Variants in EPHA8 observed in about 807,000 individuals in gnomAD.
The protein encoded by EPHA8 is ephrin type-A receptor 8.
A neutral mutation model predicts 103.6 loss-of-function variants in EPHA8; 58 were observed. The ratio of observed to expected loss-of-function variants is 0.56; its 90% CI spans 0.45 to 0.70. EPHA8 has a LOEUF of 0.70. Ranked by LOEUF, EPHA8 falls within the 30% of genes least tolerant of loss-of-function variation. EPHA8 has a pLI of 0.00. For synonymous variants in EPHA8, 559 were observed against 572.5 expected, an observed-to-expected ratio of 0.98 and a Z score of 0.34; for missense variants, 1,304 against 1,395.2, an observed-to-expected ratio of 0.93 and a Z score of 1.04.
rs777812539 is a variant in EPHA8, at chr1:22,576,460, G to A, written c.403G>A (p.Ala135Thr). The A allele has an allele frequency of 1.3e-5, 21 of 1,614,062 alleles. No homozygotes were observed. Among genetic ancestry groups the A allele is most frequent in the South Asian group, 2.2e-5 (2 of 91,086 alleles). Reference sequence around the variant, plus strand: ...CCTGGAGTCGGACCGCGACCTGGGGGCCAGCACACAAGAAAGCCAGTTCCT... The same window carrying A: ...CCTGGAGTCGGACCGCGACCTGGGGACCAGCACACAAGAAAGCCAGTTCCT... ...YYLESDRDLG[A>T]STQESQFLKI... The change falls in exon 3 of 17, where the codon GCC (alanine) becomes ACC (threonine). Residue 135 changes from alanine to threonine, a missense_variant. Coordinates refer to ENST00000166244, the MANE Select transcript of EPHA8 (RefSeq NM_020526.5). This position sits in a 1 kb window ranked among gnomAD's most constrained non-coding sequence, Gnocchi z 4.8.
At chr1:22,580,127 CTTTTTTTTTTTTTTT>C (rs764600240) in intron 3 of EPHA8, among the ~76,000 whole-genome samples, 1 of 97,426 alleles carries the variant, frequency 1.0e-5, no homozygotes, top group African/African-American at 4.4e-5. Flanking sequence ...CTTTCTTTCT[CTTTTTTTTTTTTTTT>C]TTTTTTTTTT....
At chr1:22,570,952 C>G (rs1294598760) in intron 2 of EPHA8, among the ~76,000 whole-genome samples, 1 of 152,250 alleles carries the variant, frequency 6.6e-6, no homozygotes, top group Non-Finnish European at 1.5e-5. Context: ...CAGGGTTCCA[C>G]CCATGAGGAG....
In EPHA8 at chr1:22,602,065, G is replaced by C. The variant is rs1211406096; in HGVS notation, c.*324G>C. 2 of 462,002 alleles carry C rather than the reference G, an allele frequency of 4.3e-6. No homozygotes were observed. Among genetic ancestry groups the C allele is most frequent in the African/African-American group, 2.1e-5 (1 of 48,292 alleles). The allele number at this position is 462,002 out of a possible 1,614,324, so 28.6% of individuals were successfully genotyped here. ...CTGTGTGCGTGCATGTGTGTGTGTGGTGGGGGGTGTTCTCACAAGGTCATG... is the reference window on the plus strand; with the variant it reads ...CTGTGTGCGTGCATGTGTGTGTGTGCTGGGGGGTGTTCTCACAAGGTCATG... On this transcript the variant is annotated 3_prime_UTR_variant, in exon 17 of 17. Transcript: ENST00000166244.
At chr1:22,573,423 A>C (rs1640598293) in intron 2 of EPHA8, among the ~76,000 whole-genome samples, 1 of 152,166 alleles carries the variant, frequency 6.6e-6, no homozygotes, top group Admixed American at 6.5e-5. Flanking sequence ...ACTGAGGATC[A>C]AGACGAGATT....
rs199735359 is a variant in EPHA8 at position 22,601,671 on chromosome 1, A to T, written c.2948A>T (p.Lys983Met). 1.1e-4 allele frequency: 176 copies of T among 1,594,684 alleles called. No homozygotes were observed. Among genetic ancestry groups the T allele is most frequent in the Non-Finnish European group, 1.4e-4 (159 of 1,170,844 alleles). Residue 983 changes from lysine to methionine, a missense_variant, in exon 17 of 17, where the codon AAG becomes ATG. Transcript: ENST00000166244. ...ATCACCCTCATGGGCCACCAGAAGA[A>T]GATCCTGGGCAGCATTCAGACCATG... The part of the protein sequence containing the change: ...LGITLMGHQK[K>M]ILGSIQTMRA...
At chr1:22,580,751 C>T (rs1240341704) in intron 3 of EPHA8, among the ~76,000 whole-genome samples, 1 of 152,226 alleles carries the variant, frequency 6.6e-6, no homozygotes, top group African/African-American at 2.4e-5. Context: ...TATCACAATT[C>T]CATTTTACAG....
chr1:22,589,494 C>T lies in EPHA8; in HGVS notation c.1315+288C>T, dbSNP rs564484546. 3 of 1,450,036 alleles carry T rather than the reference C, an allele frequency of 2.1e-6. No homozygotes were observed. Among genetic ancestry groups the T allele is most frequent in the African/African-American group, 2.8e-5 (2 of 70,742 alleles). 89.8% of individuals were successfully genotyped at this position (1,450,036 alleles called of 1,614,324 possible). A position where few individuals can be genotyped will look rare whatever the true frequency, so the allele number is the denominator to read the frequency against. On this transcript the variant is annotated intron_variant, in intron 5 of 16. Coordinates refer to ENST00000166244, the MANE Select transcript of EPHA8 (RefSeq NM_020526.5). The surrounding 1 kb of genome is among the most constrained non-coding windows in gnomAD (Gnocchi z 4.3). Reference sequence around the variant, plus strand: ...TCCCTCTCTGTGCCTCAGTTTCCTCCCTGGTGCAATGGGAATAATAGTACC... The same window carrying T: ...TCCCTCTCTGTGCCTCAGTTTCCTCTCTGGTGCAATGGGAATAATAGTACC...
At chr1:22,591,878 C>T (rs916911305) in intron 5 of EPHA8, among the ~76,000 whole-genome samples, 1 of 152,192 alleles carries the variant, frequency 6.6e-6, no homozygotes, top group Non-Finnish European at 1.5e-5. Context: ...CCTTCCGGGC[C>T]CTGCAGTGGT....
In EPHA8 at chr1:22,589,474, C is replaced by T; in HGVS notation, c.1315+268C>T. ...AAGCCTAGGTTCCAGAACTTTCCCT[C>T]TCTGTGCCTCAGTTTCCTCCCTGGT... On this transcript the variant is annotated intron_variant, in intron 5 of 16. Transcript: ENST00000166244. The surrounding 1 kb of genome is among the most constrained non-coding windows in gnomAD (Gnocchi z 4.3). The T allele has an allele frequency of 1.4e-6, 2 of 1,474,932 alleles. No individual in the cohort carries two copies. The highest frequency in any genetic ancestry group is 1.8e-6 in the Non-Finnish European group (2 of 1,121,228). The allele number at this position is 1,474,932 out of a possible 1,614,324, so 91.4% of individuals were successfully genotyped here.
At chr1:22,575,371 GC>G (rs1333833417) in intron 2 of EPHA8, among the ~76,000 whole-genome samples, 1 of 152,032 alleles carries the variant, frequency 6.6e-6, no homozygotes, top group Non-Finnish European at 1.5e-5. Flanking sequence ...GCACCATTTG[GC>G]CATCTGAATA....
At position 22,586,640 on chromosome 1, in the gene EPHA8, G is replaced by GTT; in HGVS notation, c.979+6_979+7insTT. ...CGCCGTCCTCAGCCTGCACCCGTGAGTACCACTCCGAGATGCCAGTACCCT... is the reference window on the plus strand; with the variant it reads ...CGCCGTCCTCAGCCTGCACCCGTGAGTTTACCACTCCGAGATGCCAGTACCCT... On this transcript the variant is annotated splice_donor_region_variant and intron_variant, in intron 4 of 16. Transcript: ENST00000166244. 1 of 1,613,430 alleles carries GTT rather than the reference G, an allele frequency of 6.2e-7. No individual in the cohort carries two copies. Among genetic ancestry groups the GTT allele is most frequent in the Non-Finnish European group, 8.5e-7 (1 of 1,179,632 alleles).
chr1:22,578,500 G>T (rs377019280), intron 3 of EPHA8, among the ~76,000 whole-genome samples: 2 of 145,338 alleles, frequency 1.4e-5, no homozygotes, highest in South Asian at 4.4e-4. Context: ...ATGTGTGCAT[G>T]AGTGCATTAG....
rs375032514 is a variant in EPHA8, at chr1:22,578,993, A to G, written c.823+2113A>G. On this transcript the variant is annotated intron_variant, in intron 3 of 16. Transcript: ENST00000166244. ...TTCATGTGTGTGAGTGTATGTGTGC[A>G]TGTGTATATGCATGTGTGTGCATAT... Among the ~76,000 whole-genome samples, 529 of 139,406 alleles carry G rather than the reference A, an allele frequency of 3.8e-3. 5 individuals are homozygous for G. Among genetic ancestry groups the G allele is most frequent in the African/African-American group, 0.012 (433 of 36,992 alleles). The allele number at this position is 139,406 out of a possible 152,430, so 91.5% of individuals were successfully genotyped here.
rs986154378 is a variant in EPHA8 at position 22,603,372 on chromosome 1, G to GC, written c.*1631_*1632insC. The GC allele has an allele frequency of 6.6e-6, 1 of 151,774 alleles. No homozygotes were observed. Among genetic ancestry groups the GC allele is most frequent in the Admixed American group, 6.6e-5 (1 of 15,168 alleles). The allele number at this position is 151,774 out of a possible 1,614,324, so 9.4% of individuals were successfully genotyped here. ...GGAAACATGGTCAGAACACGATCTG[G>GC]GGGGGGGATCCTGTCTTCCTCCCCA... On this transcript the variant is annotated 3_prime_UTR_variant, in exon 17 of 17. Transcript: ENST00000166244.
chr1:22,593,803 G>A, intron 7 of EPHA8, 117 bp downstream of exon 7: 1 of 1,248,522 alleles, frequency 8.0e-7, no homozygotes. Flanking sequence ...CAGGATTTCT[G>A]CTCTCCTTGC....
At chr1:22,566,986 T>C (rs1640377656) in intron 1 of EPHA8, among the ~76,000 whole-genome samples, 1 of 152,138 alleles carries the variant, frequency 6.6e-6, no homozygotes, top group South Asian at 2.1e-4. Context: ...TAGAATTGAC[T>C]TTTGACTTAT....
chr1:22,570,398 G>C (rs1003699382), intron 2 of EPHA8, among the ~76,000 whole-genome samples: 2 of 79,104 alleles, frequency 2.5e-5, no homozygotes, highest in East Asian at 5.6e-4. Context: ...GCGCGCATAC[G>C]CACATATGCA....
chr1:22,579,486 ATGTC>A (rs1291925518), intron 3 of EPHA8, among the ~76,000 whole-genome samples: 1 of 150,452 alleles, frequency 6.6e-6, no homozygotes, highest in Non-Finnish European at 1.5e-5. Context: ...ACGTGAGTGT[ATGTC>A]TGCATGGTGT....
At chr1:22,587,907 C>T (rs1413518680) in intron 4 of EPHA8, among the ~76,000 whole-genome samples, 1 of 152,112 alleles carries the variant, frequency 6.6e-6, no homozygotes, top group African/African-American at 2.4e-5. Context: ...CCTGTTGGGG[C>T]AGAAAAGGTG....
Sources: allele counts gnomAD v4.1 joint callset (sites outside exome capture counted in the v4.1 genomes callset), GRCh38; gene constraint gnomAD v4.1.1; non-coding constraint Gnocchi (gnomAD v3.1); transcripts MANE v1.5; gene names NCBI Gene and HGNC (gene_info 2026-07-23, HGNC 2026-07-21).